The following CALN1 variants were observed in gnomAD, a reference collection of about 807,000 sequenced individuals.
CALN1 encodes calcium-binding protein 8.
In CALN1, 17 loss-of-function variants were observed where a neutral mutation model predicts 30.6. The observed-to-expected ratio is 0.56, with a 90% confidence interval of 0.38 to 0.83. The LOEUF is 0.83. CALN1 is among the 40% of genes least tolerant of loss of function. The pLI is 0.00. For synonymous variants in CALN1, 156 were observed against 131.4 expected (o/e 1.19, Z -1.28); for missense variants, 291 against 354.9 (o/e 0.82, Z 1.45).
At chr7:72,022,693 T>C (rs1178716822) in intron 5 of CALN1, among the ~76,000 whole-genome samples, 4 of 152,158 alleles carry the variant, frequency 2.6e-5, no homozygotes, top group Admixed American at 2.0e-4. Flanking sequence ...CAAATTCAGC[T>C]TCCCCAGCCA....
intron 5 of CALN1, among the ~76,000 whole-genome samples, chr7:71,951,340 C>T (rs1452912032): frequency 1.3e-5 from 2 of 152,174 alleles, no homozygotes; most frequent in East Asian, 3.9e-4. Context: ...CCTGTAATCC[C>T]AGCACTTTGG....
At chr7:72,204,766 G>T (rs186716623) in intron 3 of CALN1, among the ~76,000 whole-genome samples, 10 of 152,230 alleles carry the variant, frequency 6.6e-5, no homozygotes, top group African/African-American at 2.4e-4. Context: ...CATATATTTA[G>T]CTTGTTTCCA....
At chr7:72,333,729 C>A (rs2129558280) in intron 2 of CALN1, among the ~76,000 whole-genome samples, 1 of 151,192 alleles carries the variant, frequency 6.6e-6, no homozygotes, top group African/African-American at 2.4e-5. Flanking sequence ...AATCATCAAA[C>A]CAGTCTGGGC....
intron 3 of CALN1, among the ~76,000 whole-genome samples, chr7:72,182,812 G>A (rs1291452126): frequency 6.6e-6 from 1 of 151,674 alleles, no homozygotes; most frequent in Admixed American, 6.6e-5. Context: ...TTCTAGATAG[G>A]AACACTAGCT....
At chr7:72,091,204 C>G (rs1191480536) in intron 4 of CALN1, among the ~76,000 whole-genome samples, 1 of 152,138 alleles carries the variant, frequency 6.6e-6, no homozygotes, top group Non-Finnish European at 1.5e-5. Context: ...TGGTGGTGCA[C>G]ACCTGTAATC....
chr7:72,336,863 C>T (rs1802092584), intron 2 of CALN1: 14 of 985,010 alleles, frequency 1.4e-5, no homozygotes, highest in Non-Finnish European at 1.7e-5. Flanking sequence ...CAGCCGCGTC[C>T]CCGTGCCGGC....
intron 6 of CALN1, among the ~76,000 whole-genome samples, chr7:71,790,368 A>AAAGAAAAGAAAGAAAG (rs1470378217): frequency 8.1e-6 from 1 of 123,680 alleles, no homozygotes; most frequent in African/African-American, 3.2e-5. Flanking sequence ...AGAAAGAAAG[A>AAAGAAAAGAAAGAAAG]AAAGAAAGAA....
intron 5 of CALN1, among the ~76,000 whole-genome samples, chr7:71,944,594 CAAAAAAAAAA>C (rs10677940): frequency 1.0e-4 from 6 of 60,004 alleles, no homozygotes; most frequent in Admixed American, 5.1e-4. Flanking sequence ...AACTCCATCC[CAAAAAAAAAA>C]AAAAAAAAAA....
chr7:72,439,352 C>T (rs1808274433), intron 1 of CALN1, among the ~76,000 whole-genome samples: 1 of 151,976 alleles, frequency 6.6e-6, no homozygotes, highest in African/African-American at 2.4e-5. Flanking sequence ...TTTGAATCTC[C>T]AAAAACTTGA....
At chr7:71,862,851 C>T (rs11763757) in intron 5 of CALN1, among the ~76,000 whole-genome samples, 62,736 of 152,038 alleles carry the variant, frequency 0.41, 15,013 homozygotes, top group East Asian at 0.67. Flanking sequence ...ATTCAGGAGA[C>T]AGGGCGCCCT....
intron 5 of CALN1, among the ~76,000 whole-genome samples, chr7:72,021,015 A>G (rs920948632): frequency 5.3e-5 from 8 of 152,144 alleles, no homozygotes; most frequent in African/African-American, 1.9e-4. Flanking sequence ...TCACTCCTGT[A>G]AACTCAGCAC....
the CALN1 span, among the ~76,000 whole-genome samples, chr7:72,460,320 T>G: frequency 6.6e-6 from 1 of 152,086 alleles, no homozygotes; most frequent in East Asian, 1.9e-4. Flanking sequence ...ATTCTACAGG[T>G]GGTAAAATGG....
intron 5 of CALN1, among the ~76,000 whole-genome samples, chr7:71,859,194 C>G (rs1237339997): frequency 1.3e-5 from 2 of 152,142 alleles, no homozygotes; most frequent in Non-Finnish European, 2.9e-5. Context: ...TCCCAAGTAG[C>G]TGGGATTACA....
intron 3 of CALN1, among the ~76,000 whole-genome samples, chr7:72,201,595 A>T (rs1414356984): frequency 6.6e-6 from 1 of 152,116 alleles, no homozygotes; most frequent in Non-Finnish European, 1.5e-5. Flanking sequence ...CGGAAAAAAA[A>T]AGAAAGAAAA....
intron 6 of CALN1, among the ~76,000 whole-genome samples, chr7:71,800,889 G>T (rs1341596377): frequency 1.3e-5 from 2 of 152,118 alleles, no homozygotes; most frequent in Non-Finnish European, 2.9e-5. Flanking sequence ...CGCCATGGTG[G>T]TTTGCTGCAC....
At chr7:72,214,167 T>G (rs1792605833) in intron 3 of CALN1, among the ~76,000 whole-genome samples, 1 of 152,238 alleles carries the variant, frequency 6.6e-6, no homozygotes, top group Admixed American at 6.5e-5. Context: ...CTAGTTAATG[T>G]GCTACCTTCT....
At chr7:72,225,575 A>C (rs1018781901) in intron 3 of CALN1, among the ~76,000 whole-genome samples, 1 of 151,984 alleles carries the variant, frequency 6.6e-6, no homozygotes, top group Non-Finnish European at 1.5e-5. Context: ...GTCTCTGAAG[A>C]CTGATAATTC....
chr7:71,839,783 T>C (rs1357155677), intron 5 of CALN1, among the ~76,000 whole-genome samples: 1 of 152,108 alleles, frequency 6.6e-6, no homozygotes, highest in East Asian at 1.9e-4. Flanking sequence ...AAGGCACTAA[T>C]TACAAATGAT....
At chr7:71,989,957 G>T (rs769978894) in intron 5 of CALN1, among the ~76,000 whole-genome samples, 1 of 152,290 alleles carries the variant, frequency 6.6e-6, no homozygotes. Context: ...TACGTTGTAG[G>T]TTGTGTAGGC....
Sources: gnomAD v4.1 joint callset for allele counts (sites outside exome capture counted in the v4.1 genomes callset) on GRCh38, gnomAD v4.1.1 for gene constraint, MANE v1.5 for transcripts, NCBI Gene and HGNC (gene_info 2026-07-23, HGNC 2026-07-21) for gene names.